Variants in MKLN1 observed in about 807,000 individuals in gnomAD.
MKLN1 encodes the protein muskelin 1, also known as muskelin.
MKLN1 carries 18 observed loss-of-function variants against 99.0 expected under a neutral mutation model. The ratio of observed to expected loss-of-function variants is 0.18; its 90% CI spans 0.13 to 0.27. The LOEUF is 0.27. Ranked by LOEUF, MKLN1 falls within the 10% of genes least tolerant of loss-of-function variation. MKLN1 has a pLI of 1.00. For missense variants in MKLN1, 621 were observed against 875.9 expected (o/e 0.71, Z 3.67); for synonymous variants, 288 against 293.2 (o/e 0.98, Z 0.18).
At chr7:131,159,450 G>A (rs1005804742) in intron 2 of MKLN1, among the ~76,000 whole-genome samples, 1 of 152,126 alleles carries the variant, frequency 6.6e-6, no homozygotes, top group African/African-American at 2.4e-5. Flanking sequence ...ATTTTGTTAA[G>A]TGAAATAAGC....
intron 1 of MKLN1, among the ~76,000 whole-genome samples, chr7:131,357,480 C>T (rs1180892397): frequency 1.3e-5 from 2 of 152,132 alleles, no homozygotes; most frequent in African/African-American, 4.8e-5. Context: ...ACTCTCAGTT[C>T]TTAGAGTGGA....
chr7:131,323,917 T>C (rs144145262), upstream of MKLN1: 7 of 152,224 alleles, frequency 4.6e-5, no homozygotes, highest in African/African-American at 1.7e-4. Flanking sequence ...TAACAGGAAT[T>C]AGTTAAAATT....
At chr7:131,455,174 G>A (rs530445742) in intron 12 of MKLN1, among the ~76,000 whole-genome samples, 13 of 152,152 alleles carry the variant, frequency 8.5e-5, no homozygotes, top group Admixed American at 2.0e-4. Context: ...CAAAAATAGA[G>A]TTGAGATTAA....
chr7:131,450,422 A>G (rs1396660566), intron 12 of MKLN1, among the ~76,000 whole-genome samples: 2 of 152,178 alleles, frequency 1.3e-5, no homozygotes, highest in Non-Finnish European at 2.9e-5. Flanking sequence ...AGAAAAGAAC[A>G]TATTTTTAAA....
intron 1 of MKLN1, among the ~76,000 whole-genome samples, chr7:131,345,975 C>A (rs1799547985): frequency 6.6e-6 from 1 of 151,972 alleles, no homozygotes; most frequent in Admixed American, 6.5e-5. Context: ...TGATCAAAAA[C>A]CAAAAAAGTT....
chr7:131,465,850 T>A (rs1313171852), intron 14 of MKLN1, among the ~76,000 whole-genome samples: 1 of 152,222 alleles, frequency 6.6e-6, no homozygotes, highest in African/African-American at 2.4e-5. Flanking sequence ...AAAATTTTTT[T>A]AAAGTTTCTA....
intron 8 of MKLN1, among the ~76,000 whole-genome samples, chr7:131,419,222 A>ATATATG: frequency 7.1e-6 from 1 of 140,748 alleles, no homozygotes; most frequent in African/African-American, 2.6e-5. Flanking sequence ...CATTACATAT[A>ATATATG]TATATGTATA....
In MKLN1 at chr7:131,466,375, T is replaced by G. The variant is rs770008339; in HGVS notation, c.1888T>G (p.Tyr630Asp). Reference protein sequence around the residue: ...SLKLCRPSKDYLLRHCKYLIR... With the variant: ...SLKLCRPSKDDLLRHCKYLIR... ...GAAGTTGTGTAGACCTTCAAAAGAT[T>G]ATTTACTGAGGCATTGCAAGTACCT... Residue 630 changes from tyrosine (Y) to aspartate (D), a missense_variant, in exon 15 of 18, where the codon TAT (tyrosine) becomes GAT (aspartate). By Grantham distance (160) the Tyr-to-Asp change is radical. Around this residue, in one of 8 missense-constraint regions of MKLN1, gnomAD observed 126 missense variants for 157.4 expected, o/e 0.80. Transcript: ENST00000352689. 2.5e-6 allele frequency: 4 copies of G among 1,599,844 alleles called. No individual in the cohort carries two copies. The highest frequency in any genetic ancestry group is 3.4e-6 in the Non-Finnish European group (4 of 1,170,732).
chr7:131,355,281 G>A (rs976544444), intron 1 of MKLN1, among the ~76,000 whole-genome samples: 2 of 151,954 alleles, frequency 1.3e-5, no homozygotes, highest in South Asian at 4.1e-4. Flanking sequence ...TTTATTATTT[G>A]TGTGAACTGT....
chr7:131,223,072 C>G (rs1170758786), intron 3 of MKLN1, among the ~76,000 whole-genome samples: 1 of 152,082 alleles, frequency 6.6e-6, no homozygotes, highest in African/African-American at 2.4e-5. Context: ...CAGCATATAA[C>G]AAGCACTATG....
chr7:131,363,692 C>T (rs1022523203), intron 1 of MKLN1, among the ~76,000 whole-genome samples: 1 of 151,134 alleles, frequency 6.6e-6, no homozygotes, highest in Non-Finnish European at 1.5e-5. Flanking sequence ...TGAGTGGTTC[C>T]TTCTGATTAG....
At chr7:131,432,648 A>T (rs990210111) in intron 9 of MKLN1, among the ~76,000 whole-genome samples, 2 of 152,098 alleles carry the variant, frequency 1.3e-5, no homozygotes, top group African/African-American at 4.8e-5. Context: ...GGGTTTCATC[A>T]TGTTGACCAG....
chr7:131,395,683 A>G (rs148664918), intron 4 of MKLN1, among the ~76,000 whole-genome samples: 1 of 151,764 alleles, frequency 6.6e-6, no homozygotes, highest in East Asian at 1.9e-4. Context: ...GTTATTTTGA[A>G]AAATAGTTGT....
intron 14 of MKLN1, among the ~76,000 whole-genome samples, chr7:131,465,571 G>A (rs1000185833): frequency 4.3e-4 from 66 of 151,884 alleles, no homozygotes; most frequent in Non-Finnish European, 5.9e-5. Flanking sequence ...CGGAGTCTCG[G>A]TCTGTTGCCC....
chr7:131,174,442 C>T (rs374902028), intron 2 of MKLN1, among the ~76,000 whole-genome samples: 55 of 152,262 alleles, frequency 3.6e-4, no homozygotes, highest in African/African-American at 1.2e-3. Flanking sequence ...TAAAAGCCTT[C>T]GAAAGTTCCT....
chr7:131,425,292 C>CT (rs34068431), intron 8 of MKLN1, among the ~76,000 whole-genome samples: 27,958 of 148,850 alleles, frequency 0.19, 3,023 homozygotes, highest in Admixed American at 0.32. Flanking sequence ...GAAAAGCCCT[C>CT]TTTTTTTTTT....
At chr7:131,337,923 C>T (rs956943802) in intron 1 of MKLN1, among the ~76,000 whole-genome samples, 5 of 152,054 alleles carry the variant, frequency 3.3e-5, no homozygotes, top group Admixed American at 3.3e-4. Context: ...AGATAGGATT[C>T]ACATGTCTTC....
intron 1 of MKLN1, among the ~76,000 whole-genome samples, chr7:131,346,533 A>G (rs986464928): frequency 9.2e-5 from 14 of 151,906 alleles, no homozygotes; most frequent in Admixed American, 6.6e-4. Context: ...AAAAAAAAAA[A>G]ACCCAAAAAA....
chr7:131,397,243 T>C (rs879006825), intron 4 of MKLN1, 24 bp from the exon 5 acceptor site: 1 of 1,430,028 alleles, frequency 7.0e-7, no homozygotes, highest in Non-Finnish European at 9.8e-7. Context: ...TTTTTCTTCT[T>C]CTTTTTGTTT....
Sources: allele counts gnomAD v4.1 joint callset (sites outside exome capture counted in the v4.1 genomes callset), GRCh38; gene constraint gnomAD v4.1.1; regional missense constraint gnomAD v4.1.1; transcripts MANE v1.5; gene names NCBI Gene and HGNC (gene_info 2026-07-23, HGNC 2026-07-21).